The following ADGRF5 variants were observed in gnomAD, a reference collection of about 807,000 sequenced individuals.
ADGRF5 encodes the protein G-protein coupled receptor 116.
A neutral mutation model predicts 132.3 loss-of-function variants in ADGRF5; 75 were observed. The observed-to-expected ratio is 0.57, with a 90% CI of 0.47 to 0.69. ADGRF5 has a LOEUF of 0.69. Ranked by LOEUF, ADGRF5 falls within the 30% of genes least tolerant of loss-of-function variation. ADGRF5 has a pLI of 0.00. For missense variants in ADGRF5, 1,516 were observed against 1,630.6 expected (o/e 0.93, Z 1.21); for synonymous variants, 629 against 597.6 (o/e 1.05, Z -0.77).
In ADGRF5 at chr6:46,929,797, T is replaced by G. The variant is rs151058070; in HGVS notation, c.-24-23011A>C. On this transcript the variant is annotated intron_variant, in intron 1 of 20. Transcript: ENST00000265417. ...GTTTCCAGGGCCTATATTCTTCTTA[T>G]TATTTTTATTTTGTTATTATTATTT... 1.5e-3 allele frequency among the ~76,000 whole-genome samples: 224 copies of G among 151,158 alleles called. 2 individuals are homozygous for G. The highest frequency in any genetic ancestry group is 5.2e-3 in the African/African-American group (215 of 41,190).
chr6:46,905,870 G>T (rs2150895014), intron 2 of ADGRF5, among the ~76,000 whole-genome samples: 1 of 152,218 alleles, frequency 6.6e-6, no homozygotes. Context: ...CTGTTCTAGA[G>T]CATCTTATAG....
chr6:46,914,881 A>G (rs1475107321), intron 1 of ADGRF5, among the ~76,000 whole-genome samples: 1 of 151,366 alleles, frequency 6.6e-6, no homozygotes, highest in Non-Finnish European at 1.5e-5. Flanking sequence ...TTTGAGACGG[A>G]ATCTCACTGA....
chr6:46,882,104 G>A lies in ADGRF5; in HGVS notation c.616C>T (p.Arg206Trp), dbSNP rs373642796. The change falls in exon 7 of 21, where the codon CGG (arginine) becomes TGG (tryptophan). Residue 206 changes from arginine (R) to tryptophan (W), a missense_variant. This residue lies in a region of ADGRF5 where 945 missense variants were observed against 929.4 expected (regional missense o/e 1.02). Coordinates refer to ENST00000283296, the MANE Select transcript of ADGRF5 (RefSeq NM_001098518.2). ...CCTGGTAAAATTCCGTAACCCTTCCGGAACTGAAAAATAAAGCAAGATGAA... is the reference window on the plus strand; with the variant it reads ...CCTGGTAAAATTCCGTAACCCTTCCAGAACTGAAAAATAAAGCAAGATGAA... ...SYKTDLETAF[R>W]KGYGILPGFK... The A allele has an allele frequency of 2.1e-5, 33 of 1,607,824 alleles. No individual in the cohort carries two copies. The highest frequency in any genetic ancestry group is 7.7e-5 in the South Asian group (7 of 90,932).
intron 1 of ADGRF5, among the ~76,000 whole-genome samples, chr6:46,941,266 G>T (rs1403803275): frequency 1.3e-5 from 2 of 151,832 alleles, no homozygotes; most frequent in African/African-American, 4.8e-5. Context: ...CTAATTTCAG[G>T]CTGCAGTGAG....
At chr6:46,885,935 T>C (rs1451888651) in intron 4 of ADGRF5, among the ~76,000 whole-genome samples, 1 of 152,234 alleles carries the variant, frequency 6.6e-6, no homozygotes, top group Non-Finnish European at 1.5e-5. Context: ...CTGTTTGTTA[T>C]TTTATGATGC....
At chr6:46,945,300 T>C (rs1276834962) in intron 1 of ADGRF5, among the ~76,000 whole-genome samples, 1 of 152,228 alleles carries the variant, frequency 6.6e-6, no homozygotes, top group African/African-American at 2.4e-5. Context: ...GTAACCTATA[T>C]GTGAGTGCTT....
intron 1 of ADGRF5, among the ~76,000 whole-genome samples, chr6:46,927,327 G>C (rs921528304): frequency 6.6e-6 from 1 of 151,976 alleles, no homozygotes; most frequent in African/African-American, 2.4e-5. Flanking sequence ...GGTGGGCAGA[G>C]CTAGTGATCA....
At chr6:46,898,106 T>G (rs16875181) in intron 3 of ADGRF5, among the ~76,000 whole-genome samples, 1,738 of 152,294 alleles carry the variant, frequency 0.011, 43 homozygotes, top group African/African-American at 0.039. Flanking sequence ...CTGGAAAAAC[T>G]TTGGAATGTC....
intron 3 of ADGRF5, among the ~76,000 whole-genome samples, chr6:46,899,082 A>G (rs1193758408): frequency 2.0e-5 from 3 of 152,162 alleles, no homozygotes; most frequent in Non-Finnish European, 2.9e-5. Flanking sequence ...GAAATGTATC[A>G]AGGGGAATGG....
chr6:46,865,126 T>C lies in ADGRF5; in HGVS notation c.1906A>G (p.Lys636Glu), dbSNP rs780635370. 3.1e-6 allele frequency: 5 copies of C among 1,611,490 alleles called. No homozygotes were observed. The highest frequency in any genetic ancestry group is 3.3e-4 in the Middle Eastern group (2 of 6,082). The change falls in exon 14 of 21, where the codon AAA becomes GAA. Residue 636 changes from lysine to glutamate, a missense_variant. Lys to Glu is a moderately conservative substitution (Grantham distance 56). Coordinates refer to ENST00000283296, the MANE Select transcript of ADGRF5 (RefSeq NM_001098518.2). ...FNASSVSWCS[K>E]TVDVCCHFTN... The stretch of plus-strand genomic sequence containing the variant: ...AAGTGACAACACACATCAACAGTTT[T>C]TGAACACCAGGAAACTGAGCTTGCA...
chr6:46,932,836 T>C (rs1777622998), intron 1 of ADGRF5, among the ~76,000 whole-genome samples: 1 of 152,158 alleles, frequency 6.6e-6, no homozygotes, highest in Non-Finnish European at 1.5e-5. Flanking sequence ...TCTCAATTCC[T>C]TTGAGGGATG....
intron 10 of ADGRF5, 76 bp downstream of exon 10, chr6:46,878,126 A>C (rs779895295): frequency 1.2e-5 from 11 of 916,420 alleles, no homozygotes; most frequent in East Asian, 4.8e-5. Context: ...TTCCCCTTCC[A>C]TACGCCACAT....
intron 3 of ADGRF5, among the ~76,000 whole-genome samples, chr6:46,890,417 T>A (rs1027004215): frequency 1.8e-4 from 27 of 151,878 alleles, no homozygotes; most frequent in African/African-American, 6.0e-4. Context: ...ATCTTGTCAG[T>A]TAAATAAGGA....
chr6:46,932,345 A>G (rs1215778582), intron 1 of ADGRF5, among the ~76,000 whole-genome samples: 1 of 152,234 alleles, frequency 6.6e-6, no homozygotes, highest in Non-Finnish European at 1.5e-5. Context: ...CATAGTAGGT[A>G]TTCAATTAGT....
chr6:46,952,076 C>T (rs1011278828), intron 1 of ADGRF5, among the ~76,000 whole-genome samples: 1 of 152,142 alleles, frequency 6.6e-6, no homozygotes, highest in African/African-American at 2.4e-5. Context: ...ACTTGAAAAA[C>T]TCAAGGTTCA....
chr6:46,954,279 A>G (rs1302272715), intron 1 of ADGRF5, among the ~76,000 whole-genome samples: 1 of 152,154 alleles, frequency 6.6e-6, no homozygotes, highest in East Asian at 1.9e-4. Flanking sequence ...GGCACTCTAA[A>G]TTAGGAACAC....
chr6:46,897,065 G>C (rs555043517), intron 3 of ADGRF5, among the ~76,000 whole-genome samples: 2 of 151,478 alleles, frequency 1.3e-5, no homozygotes, highest in East Asian at 3.9e-4. Context: ...GATACCAAGG[G>C]AAGGACAACA....
chr6:46,911,648 T>C (rs1192573520), intron 1 of ADGRF5, among the ~76,000 whole-genome samples: 1 of 152,204 alleles, frequency 6.6e-6, no homozygotes, highest in East Asian at 1.9e-4. Flanking sequence ...ACACTTAGTC[T>C]AGGCCTTTAG....
In ADGRF5 at chr6:46,906,665, G is replaced by T. The variant is rs201929281; in HGVS notation, c.98C>A (p.Pro33His). Reference protein sequence around the residue: ...LNWNYESTIHPLSLHEHEPAG... With the variant: ...LNWNYESTIHHLSLHEHEPAG... ...GCAGATATGGATATAACTCACCAAA[G>T]GATGAATAGTAGACTCGTAATTCCA... The change falls in exon 2 of 21, where the codon CCT becomes CAT. Residue 33 changes from proline (P) to histidine (H), a missense_variant. Pro to His is a moderately conservative substitution (Grantham distance 77, BLOSUM62 -2). This residue lies in a region of ADGRF5 where 945 missense variants were observed against 929.4 expected (regional missense o/e 1.02). Transcript: ENST00000283296. The T allele has an allele frequency of 3.4e-5, 51 of 1,485,544 alleles. No individual in the cohort carries two copies. Among genetic ancestry groups the T allele is most frequent in the African/African-American group, 5.5e-5 (4 of 72,210 alleles). The allele number at this position is 1,485,544 out of a possible 1,614,324, so 92.0% of individuals were successfully genotyped here.
Sources: allele counts gnomAD v4.1 joint callset (sites outside exome capture counted in the v4.1 genomes callset), GRCh38; gene constraint gnomAD v4.1.1; regional missense constraint gnomAD v4.1.1; transcripts MANE v1.5; gene names NCBI Gene and HGNC (gene_info 2026-07-23, HGNC 2026-07-21).